Variants in LRRTM2 observed in about 807,000 individuals in gnomAD.
The protein encoded by LRRTM2 is leucine-rich repeat transmembrane neuronal protein 2.
A neutral mutation model predicts 40.7 loss-of-function variants in LRRTM2; 14 were observed. The observed-to-expected ratio is 0.34, with a 90% CI of 0.23 to 0.54. The LOEUF is 0.54. LRRTM2 is among the 20% of genes least tolerant of loss of function. The probability of loss-of-function intolerance (pLI) is 0.92; values close to 1 mark genes in which losing one functional copy is unlikely to be tolerated. For synonymous variants in LRRTM2, 223 were observed against 237.6 expected, an observed-to-expected ratio of 0.94 and a Z score of 0.57; for missense variants, 468 against 624.4, an observed-to-expected ratio of 0.75 and a Z score of 2.67.
chr5:138,873,083 C>T lies in LRRTM2; in HGVS notation c.1478G>A (p.Gly493Glu). 1.9e-6 allele frequency: 3 copies of T among 1,613,830 alleles called. No homozygotes were observed. The highest frequency in any genetic ancestry group is 2.5e-6 in the Non-Finnish European group (3 of 1,179,858). Residue 493 changes from glycine to glutamate, a missense_variant, in exon 2 of 2, where the codon GGA (glycine) becomes GAA (glutamate). Transcript: ENST00000274711. This position sits in a 1 kb window ranked among gnomAD's most constrained non-coding sequence, Gnocchi z 6.1. The stretch of plus-strand genomic sequence containing the variant: ...ATAACCATTAATGATGATGAAGGGT[C>T]CTTCATGGGTGGGTTCATATTCATT... ...PYNEYEPTHEGPFIIINGYGQ... is the reference protein window; with the variant it reads ...PYNEYEPTHEEPFIIINGYGQ...
At position 138,871,754 on chromosome 5, in the gene LRRTM2, G is replaced by C. The variant is rs1218446039; in HGVS notation, c.*1256C>G. Reference sequence around the variant, plus strand: ...TTGTTCTGCCATGAGATTCATCTCAGTGGTGCTGTTTTCTTCACCTACACT... The same window carrying C: ...TTGTTCTGCCATGAGATTCATCTCACTGGTGCTGTTTTCTTCACCTACACT... On this transcript the variant is annotated 3_prime_UTR_variant, in exon 2 of 2. Transcript: ENST00000274711. The C allele has an allele frequency of 1.3e-5, 2 of 152,268 alleles. No homozygotes were observed. Among genetic ancestry groups the C allele is most frequent in the Admixed American group, 6.5e-5 (1 of 15,290 alleles). The allele number at this position is 152,268 out of a possible 1,614,324, so 9.4% of individuals were successfully genotyped here. A position where few individuals can be genotyped will look rare whatever the true frequency, so the allele number is the denominator to read the frequency against.
At position 138,873,580 on chromosome 5, in the gene LRRTM2, G is replaced by A; in HGVS notation, c.981C>T (p.Gly327=). The A allele has an allele frequency of 6.2e-7, 1 of 1,613,974 alleles. No homozygotes were observed. The highest frequency in any genetic ancestry group is 8.5e-7 in the Non-Finnish European group (1 of 1,179,894). Reference sequence around the variant, plus strand: ...AGTGTTCCCACCGACCTTGGAAACTGCCCAGCCAGGAGGCCAGAGCACATA... The same window carrying A: ...AGTGTTCCCACCGACCTTGGAAACTACCCAGCCAGGAGGCCAGAGCACATA... ...ARICALASWL[G]SFQGRWEHSI... Residue 327 remains glycine, a synonymous_variant, in exon 2 of 2, where the codon GGC becomes GGT. Transcript: ENST00000274711. This position sits in a 1 kb window ranked among gnomAD's most constrained non-coding sequence, Gnocchi z 6.1.
At position 138,873,642 on chromosome 5, in the gene LRRTM2, C is replaced by T; in HGVS notation, c.919G>A (p.Gly307Ser). The change falls in exon 2 of 2, where the codon GGT becomes AGT. Residue 307 changes from glycine (G) to serine (S), a missense_variant. Physicochemically the swap from Gly to Ser is moderately conservative, Grantham distance 56. Coordinates refer to ENST00000274711, the MANE Select transcript of LRRTM2 (RefSeq NM_015564.3). This position sits in a 1 kb window ranked among gnomAD's most constrained non-coding sequence, Gnocchi z 6.1. ...LNSLRSLTTV[G>S]LSGNLWECSA... The stretch of plus-strand genomic sequence containing the variant: ...CATTCCCACAGATTGCCAGAGAGAC[C>T]AACGGTTGTGAGGGATCTCAGGGAG... 1 of 1,614,048 alleles carries T rather than the reference C, an allele frequency of 6.2e-7. No homozygotes were observed. Among genetic ancestry groups the T allele is most frequent in the Middle Eastern group, 1.6e-4 (1 of 6,062 alleles).
chr5:138,873,267 A>G lies in LRRTM2; in HGVS notation c.1294T>C (p.Phe432Leu), dbSNP rs1003597731. 3 of 1,613,860 alleles carry G rather than the reference A, an allele frequency of 1.9e-6. No homozygotes were observed. The South Asian group carries it at 3.3e-5, about 18-fold the overall frequency. ...RVITGTMALLFSFFFIIFIVF... is the reference protein window; with the variant it reads ...RVITGTMALLLSFFFIIFIVF... ...ATAAAAATAATAAAAAAGAAAGAAAACAATAAAGCCATTGTTCCCGTAATT... is the reference window on the plus strand; with the variant it reads ...ATAAAAATAATAAAAAAGAAAGAAAGCAATAAAGCCATTGTTCCCGTAATT... The change falls in exon 2 of 2, where the codon TTT (phenylalanine) becomes CTT (leucine). Residue 432 changes from phenylalanine (F) to leucine (L), a missense_variant. Physicochemically the swap from Phe to Leu is conservative, Grantham distance 22 (BLOSUM62 0). Transcript: ENST00000274711. The surrounding 1 kb of genome is among the most constrained non-coding windows in gnomAD (Gnocchi z 6.1).
rs1765150143 is a variant in LRRTM2, at chr5:138,869,585, T to G, written c.*3425A>C. 6.6e-6 allele frequency: 1 copy of G among 152,252 alleles called. No homozygotes were observed. The highest frequency in any genetic ancestry group is 1.9e-4 in the East Asian group (1 of 5,202). The allele number at this position is 152,252 out of a possible 1,614,324, so 9.4% of individuals were successfully genotyped here. A position where few individuals can be genotyped will look rare whatever the true frequency, so the allele number is the denominator to read the frequency against. ...GGACATTTATAGCTTTTTCCCCTGA[T>G]AGCTGTGTGTAGGAAGTGTGCCTTA... On this transcript the variant is annotated 3_prime_UTR_variant, in exon 2 of 2. Coordinates refer to ENST00000274711, the MANE Select transcript of LRRTM2 (RefSeq NM_015564.3).
rs1751187469 is a variant in LRRTM2, at chr5:138,875,033, T to C, written c.-122A>G. The C allele has an allele frequency of 4.1e-6, 4 of 971,538 alleles. No individual in the cohort carries two copies. Among genetic ancestry groups the C allele is most frequent in the Non-Finnish European group, 6.3e-6 (4 of 631,276 alleles). The allele number at this position is 971,538 out of a possible 1,614,324, so 60.2% of individuals were successfully genotyped here. A position where few individuals can be genotyped will look rare whatever the true frequency, so the allele number is the denominator to read the frequency against. ...TTTCCTGTTTTCTGTGTCCCAGGCTTTCCAAGTAAAATTGAATCCACCAGG... is the reference window on the plus strand; with the variant it reads ...TTTCCTGTTTTCTGTGTCCCAGGCTCTCCAAGTAAAATTGAATCCACCAGG... On this transcript the variant is annotated 5_prime_UTR_variant, in exon 1 of 2. Coordinates refer to ENST00000274711, the MANE Select transcript of LRRTM2 (RefSeq NM_015564.3).
Position 138,874,971 on chromosome 5 carries a change from C to A in LRRTM2, c.-60G>T. On this transcript the variant is annotated 5_prime_UTR_variant, in exon 1 of 2. Coordinates refer to ENST00000274711, the MANE Select transcript of LRRTM2 (RefSeq NM_015564.3). This position sits in a 1 kb window ranked among gnomAD's most constrained non-coding sequence, Gnocchi z 4.1. Reference sequence around the variant, plus strand: ...GGTTGTTAGACTCAACGCAGTGAGTCTGTAAAAGGCTCTAACATGTAGGAG... The same window carrying A: ...GGTTGTTAGACTCAACGCAGTGAGTATGTAAAAGGCTCTAACATGTAGGAG... The A allele has an allele frequency of 6.3e-7, 1 of 1,590,050 alleles. No individual in the cohort carries two copies. The highest frequency in any genetic ancestry group is 1.1e-5 in the South Asian group (1 of 90,208).
In LRRTM2 at chr5:138,874,944, G is replaced by A. The variant is rs375851786; in HGVS notation, c.-33C>T. The stretch of plus-strand genomic sequence containing the variant: ...AGCACATTGGAGGCTGCATTCAGTC[G>A]CGGTTGTTAGACTCAACGCAGTGAG... On this transcript the variant is annotated 5_prime_UTR_variant, in exon 1 of 2. Transcript: ENST00000274711. The surrounding 1 kb of genome is among the most constrained non-coding windows in gnomAD (Gnocchi z 4.1). 317 of 1,612,744 alleles carry A rather than the reference G, an allele frequency of 2.0e-4. No homozygotes were observed. The highest frequency in any genetic ancestry group is 2.6e-4 in the Non-Finnish European group (304 of 1,179,342).
At position 138,873,521 on chromosome 5, in the gene LRRTM2, C is replaced by T. The variant is rs1284785558; in HGVS notation, c.1040G>A (p.Gly347Glu). Residue 347 changes from glycine (G) to glutamate (E), a missense_variant, in exon 2 of 2, where the codon GGA (glycine) becomes GAA (glutamate). Coordinates refer to ENST00000274711, the MANE Select transcript of LRRTM2 (RefSeq NM_015564.3). The surrounding 1 kb of genome is among the most constrained non-coding windows in gnomAD (Gnocchi z 6.1). ...ILCHSPDHTQ[G>E]EDILDAVHGF... ...ATGGACTGCATCTAGAATATCCTCT[C>T]CTTGGGTGTGGTCAGGACTGTGGCA... 1.2e-6 allele frequency: 2 copies of T among 1,613,982 alleles called. No individual in the cohort carries two copies. The highest frequency in any genetic ancestry group is 1.7e-5 in the Admixed American group (1 of 60,032).
At position 138,874,940 on chromosome 5, in the gene LRRTM2, A is replaced by C; in HGVS notation, c.-29T>G. The C allele has an allele frequency of 1.2e-6, 2 of 1,613,510 alleles. No homozygotes were observed. The highest frequency in any genetic ancestry group is 1.7e-6 in the Non-Finnish European group (2 of 1,179,684). ...TCTGAGCACATTGGAGGCTGCATTC[A>C]GTCGCGGTTGTTAGACTCAACGCAG... On this transcript the variant is annotated 5_prime_UTR_variant, in exon 1 of 2. Coordinates refer to ENST00000274711, the MANE Select transcript of LRRTM2 (RefSeq NM_015564.3). The surrounding 1 kb of genome is among the most constrained non-coding windows in gnomAD (Gnocchi z 4.1).
At position 138,869,583 on chromosome 5, in the gene LRRTM2, G is replaced by C. The variant is rs1487861830; in HGVS notation, c.*3427C>G. 5 of 152,178 alleles carry C rather than the reference G, an allele frequency of 3.3e-5. No homozygotes were observed. The highest frequency in any genetic ancestry group is 7.4e-5 in the Non-Finnish European group (5 of 68,012). 9.4% of individuals were successfully genotyped at this position (152,178 alleles called of 1,614,324 possible). Reference sequence around the variant, plus strand: ...CAGGACATTTATAGCTTTTTCCCCTGATAGCTGTGTGTAGGAAGTGTGCCT... The same window carrying C: ...CAGGACATTTATAGCTTTTTCCCCTCATAGCTGTGTGTAGGAAGTGTGCCT... On this transcript the variant is annotated 3_prime_UTR_variant, in exon 2 of 2. Transcript: ENST00000274711.
Position 138,873,297 on chromosome 5 carries a change from G to T in LRRTM2, c.1264C>A (p.Arg422=). 1 of 1,614,016 alleles carries T rather than the reference G, an allele frequency of 6.2e-7. No homozygotes were observed. The highest frequency in any genetic ancestry group is 8.5e-7 in the Non-Finnish European group (1 of 1,179,888). ...AAAGCCATTGTTCCCGTAATTACCC[G>T]CTGAGTGAAGATGGCATTGTCTGGT... is the stretch of plus-strand genomic sequence containing the variant. ...PEPDNAIFTQ[R]VITGTMALLF... is the part of the protein sequence containing the mutation. The change falls in exon 2 of 2, where the codon CGG becomes AGG. Residue 422 remains arginine, a synonymous_variant. Transcript: ENST00000274711. This position sits in a 1 kb window ranked among gnomAD's most constrained non-coding sequence, Gnocchi z 6.1.
chr5:138,874,326 C>G lies in LRRTM2; in HGVS notation c.235G>C (p.Asp79His), dbSNP rs774889271. 1 of 1,614,012 alleles carries G rather than the reference C, an allele frequency of 6.2e-7. No individual in the cohort carries two copies. The highest frequency in any genetic ancestry group is 1.3e-5 in the African/African-American group (1 of 75,038). ...AGTTGACTGAAGCTGGCAAATTGAT[C>G]TCTTTCGAGCTCTGTGATGTGATTG... ...RHNHITELER[D>H]QFASFSQLTW... The change falls in exon 2 of 2, where the codon GAT becomes CAT. Residue 79 changes from aspartate to histidine, a missense_variant. Physicochemically the swap from Asp to His is moderately conservative, Grantham distance 81 (BLOSUM62 -1). Transcript: ENST00000274711. This position sits in a 1 kb window ranked among gnomAD's most constrained non-coding sequence, Gnocchi z 4.1.
In LRRTM2 at chr5:138,871,502, A is replaced by C. The variant is rs1297731892; in HGVS notation, c.*1508T>G. On this transcript the variant is annotated 3_prime_UTR_variant, in exon 2 of 2. Coordinates refer to ENST00000274711, the MANE Select transcript of LRRTM2 (RefSeq NM_015564.3). The stretch of plus-strand genomic sequence containing the variant: ...GCATGAAAAATGTGGCATCCTTATC[A>C]TTTGTTAACTATGGCATGTTTATAT... 1 of 152,238 alleles carries C rather than the reference A, an allele frequency of 6.6e-6. No homozygotes were observed. The highest frequency in any genetic ancestry group is 2.4e-5 in the African/African-American group (1 of 41,466). The allele number at this position is 152,238 out of a possible 1,614,324, so 9.4% of individuals were successfully genotyped here.
Position 138,874,587 on chromosome 5 carries a change from G to C in LRRTM2, c.5-31C>G. On this transcript the variant is annotated intron_variant, in intron 1 of 1. Coordinates refer to ENST00000274711, the MANE Select transcript of LRRTM2 (RefSeq NM_015564.3). The surrounding 1 kb of genome is among the most constrained non-coding windows in gnomAD (Gnocchi z 4.1). Reference sequence around the variant, plus strand: ...GAATATAATTTAAGGAAAACAAGAAGATAGGATATTTTTCAGCAGAACATA... The same window carrying C: ...GAATATAATTTAAGGAAAACAAGAACATAGGATATTTTTCAGCAGAACATA... The C allele has an allele frequency of 4.4e-6, 6 of 1,375,960 alleles. No individual in the cohort carries two copies. The highest frequency in any genetic ancestry group is 5.9e-6 in the Non-Finnish European group (6 of 1,020,104). The allele number at this position is 1,375,960 out of a possible 1,614,324, so 85.2% of individuals were successfully genotyped here.
rs914049826 is a variant in LRRTM2, at chr5:138,874,610, A to G, written c.5-54T>C. On this transcript the variant is annotated intron_variant, in intron 1 of 1. Transcript: ENST00000274711. The surrounding 1 kb of genome is among the most constrained non-coding windows in gnomAD (Gnocchi z 4.1). ...AAGATAGGATATTTTTCAGCAGAAC[A>G]TATGGGCTATTTAAAAAAAACAACC... The G allele has an allele frequency of 4.5e-6, 5 of 1,120,868 alleles. No homozygotes were observed. The highest frequency in any genetic ancestry group is 5.2e-5 in the East Asian group (2 of 38,612). 69.4% of individuals were successfully genotyped at this position (1,120,868 alleles called of 1,614,324 possible).
In LRRTM2 at chr5:138,873,425, G is replaced by A. The variant is rs746360538; in HGVS notation, c.1136C>T (p.Thr379Ile). Residue 379 changes from threonine to isoleucine, a missense_variant, in exon 2 of 2, where the codon ACT becomes ATT. By Grantham distance (89) the Thr-to-Ile change is moderately conservative. Coordinates refer to ENST00000274711, the MANE Select transcript of LRRTM2 (RefSeq NM_015564.3). The surrounding 1 kb of genome is among the most constrained non-coding windows in gnomAD (Gnocchi z 6.1). ...TGAGCTTATTCTTTTTGTATATTCA[G>A]TGGTTGGATCTCTATAAGTTGTAGC... ...VMATTYRDPT[T>I]EYTKRISSSS... The A allele has an allele frequency of 1.9e-6, 3 of 1,613,996 alleles. No individual in the cohort carries two copies. Among genetic ancestry groups the A allele is most frequent in the Non-Finnish European group, 2.5e-6 (3 of 1,179,898 alleles).
rs1280901161 is a variant in LRRTM2 at position 138,875,119 on chromosome 5, G to A, written c.-208C>T. On this transcript the variant is annotated 5_prime_UTR_variant, in exon 1 of 2. Transcript: ENST00000274711. The stretch of plus-strand genomic sequence containing the variant: ...AGCATTGGTTTCATTTTCTGTGATT[G>A]CTCTGATCCCTAAATCAGTTTTGAA... 5.4e-5 allele frequency: 28 copies of A among 513,986 alleles called. No homozygotes were observed. The highest frequency in any genetic ancestry group is 1.0e-5 in the Non-Finnish European group (3 of 293,902). The allele number at this position is 513,986 out of a possible 1,614,324, so 31.8% of individuals were successfully genotyped here.
chr5:138,874,575 G>C lies in LRRTM2; in HGVS notation c.5-19C>G. 6.9e-7 allele frequency: 1 copy of C among 1,442,682 alleles called. No homozygotes were observed. The highest frequency in any genetic ancestry group is 9.3e-7 in the Non-Finnish European group (1 of 1,071,684). The allele number at this position is 1,442,682 out of a possible 1,614,324, so 89.4% of individuals were successfully genotyped here. On this transcript the variant is annotated intron_variant, in intron 1 of 1. Coordinates refer to ENST00000274711, the MANE Select transcript of LRRTM2 (RefSeq NM_015564.3). This position sits in a 1 kb window ranked among gnomAD's most constrained non-coding sequence, Gnocchi z 4.1. ...TGTAAGCCTGCAGAATATAATTTAA[G>C]GAAAACAAGAAGATAGGATATTTTT... is the stretch of plus-strand genomic sequence containing the variant.
Sources: gnomAD v4.1 joint callset for allele counts on GRCh38, gnomAD v4.1.1 for gene constraint, Gnocchi (gnomAD v3.1) non-coding constraint, MANE v1.5 for transcripts, NCBI Gene and HGNC (gene_info 2026-07-23, HGNC 2026-07-21) for gene names.